Variants in LOC400499 observed in about 807,000 individuals in gnomAD.
At chr16:11,418,969 C>G in the LOC400499 span, among the ~76,000 whole-genome samples, 2 of 152,142 alleles carry the variant, frequency 1.3e-5, no homozygotes, top group Non-Finnish European at 2.9e-5. Flanking sequence ...AGTTTGAGAC[C>G]ATCCTGGCCA....
At chr16:11,395,892 C>T in the LOC400499 span, among the ~76,000 whole-genome samples, 1 of 152,124 alleles carries the variant, frequency 6.6e-6, no homozygotes, top group African/African-American at 2.4e-5. Context: ...CTGATCCCCT[C>T]CTACAGATGA....
chr16:11,477,386 C>T, the LOC400499 span, among the ~76,000 whole-genome samples: 4 of 152,256 alleles, frequency 2.6e-5, no homozygotes, highest in Admixed American at 2.0e-4. Flanking sequence ...AAATATTGCA[C>T]ACCTTCTGCT....
the LOC400499 span, among the ~76,000 whole-genome samples, chr16:11,520,494 T>C: frequency 9.2e-4 from 140 of 152,174 alleles, no homozygotes; most frequent in African/African-American, 3.3e-3. Flanking sequence ...TCATCTCTAC[T>C]AAAAGTACAA....
chr16:11,464,491 G>A, the LOC400499 span, among the ~76,000 whole-genome samples: 2 of 152,200 alleles, frequency 1.3e-5, no homozygotes, highest in Non-Finnish European at 2.9e-5. Flanking sequence ...GGCAACCCAC[G>A]ACCCAACCCC....
chr16:11,469,002 T>G, the LOC400499 span, among the ~76,000 whole-genome samples: 1 of 152,244 alleles, frequency 6.6e-6, no homozygotes, highest in African/African-American at 2.4e-5. Context: ...TGAGCCCATT[T>G]TTTTCTTGTT....
chr16:11,450,823 G>A, the LOC400499 span: 3 of 1,524,994 alleles, frequency 2.0e-6, no homozygotes, highest in Non-Finnish European at 2.6e-6. Context: ...CAAGGCTCCT[G>A]CAAGCAACAA....
At chr16:11,442,818 A>G in the LOC400499 span, among the ~76,000 whole-genome samples, 1 of 152,194 alleles carries the variant, frequency 6.6e-6, no homozygotes, top group Non-Finnish European at 1.5e-5. Flanking sequence ...AAGAAACAGC[A>G]AACACCATCG....
the LOC400499 span, among the ~76,000 whole-genome samples, chr16:11,474,983 A>AG: frequency 6.6e-6 from 1 of 152,260 alleles, no homozygotes. Flanking sequence ...AGGTAGCTAC[A>AG]GATAAAAGGT....
At chr16:11,462,636 TG>T in the LOC400499 span, among the ~76,000 whole-genome samples, 4 of 152,196 alleles carry the variant, frequency 2.6e-5, no homozygotes, top group African/African-American at 9.7e-5. Context: ...TTGGCTAGGC[TG>T]GTCTCAAGGT....
chr16:11,445,948 C>T, the LOC400499 span, among the ~76,000 whole-genome samples: 2 of 151,128 alleles, frequency 1.3e-5, no homozygotes, highest in African/African-American at 4.9e-5. Context: ...CCTCAGCCTC[C>T]TGAGTAGCTG....
At chr16:11,385,002 C>A in the LOC400499 span, 2 of 1,232,258 alleles carry the variant, frequency 1.6e-6, no homozygotes, top group South Asian at 8.2e-5. Flanking sequence ...CTTGTCGTGG[C>A]AGGATGCAGC....
chr16:11,447,796 T>G, the LOC400499 span: 2 of 1,202,932 alleles, frequency 1.7e-6, no homozygotes, highest in Non-Finnish European at 1.1e-6. Flanking sequence ...TCTCTGGGAT[T>G]TAGGTTCCAT....
chr16:11,393,224 G>T, the LOC400499 span, among the ~76,000 whole-genome samples: 1 of 149,836 alleles, frequency 6.7e-6, no homozygotes, highest in Non-Finnish European at 1.5e-5. Context: ...GAACTCCTGA[G>T]CTCAAGCAAT....
At chr16:11,476,040 G>A in the LOC400499 span, among the ~76,000 whole-genome samples, 1 of 152,188 alleles carries the variant, frequency 6.6e-6, no homozygotes, top group Non-Finnish European at 1.5e-5. Context: ...TCCAAAGGAT[G>A]AGAAGGAGCT....
the LOC400499 span, among the ~76,000 whole-genome samples, chr16:11,434,656 C>T: frequency 4.6e-5 from 7 of 152,312 alleles, no homozygotes; most frequent in Admixed American, 4.6e-4. Context: ...CCGATTACAC[C>T]TGCAGCAAAG....
the LOC400499 span, chr16:11,443,393 G>T: frequency 2.3e-6 from 1 of 430,140 alleles, no homozygotes; most frequent in East Asian, 7.5e-5. Context: ...CCTGGGACGT[G>T]GAGGTTGCGG....
chr16:11,428,867 G>T, the LOC400499 span, among the ~76,000 whole-genome samples: 2 of 152,012 alleles, frequency 1.3e-5, no homozygotes, highest in Non-Finnish European at 2.9e-5. Context: ...ACATTTAGGT[G>T]GGGGGCACGT....
At chr16:11,387,276 T>A in the LOC400499 span, 1 of 1,232,124 alleles carries the variant, frequency 8.1e-7, no homozygotes, top group African/African-American at 1.6e-5. Flanking sequence ...AGTGGCAGCA[T>A]CACCACCACT....
At chr16:11,380,638 C>T in the LOC400499 span, among the ~76,000 whole-genome samples, 2 of 152,100 alleles carry the variant, frequency 1.3e-5, no homozygotes, top group African/African-American at 4.8e-5. Context: ...TTAATTATAA[C>T]GGGTGACTGC....
Sources: allele counts gnomAD v4.1 joint callset (sites outside exome capture counted in the v4.1 genomes callset), GRCh38; gene constraint gnomAD v4.1.1; transcripts MANE v1.5.